LARGE1: variants seen among roughly 807,000 people sequenced by gnomAD.
LARGE1 encodes the protein LARGE xylosyl- and glucuronyltransferase 1, also known as xylosyl- and glucuronyltransferase LARGE1.
LARGE1 carries 43 observed loss-of-function variants against 87.6 expected under a neutral mutation model. The ratio of observed to expected loss-of-function variants is 0.49; its 90% CI spans 0.38 to 0.63. The LOEUF (loss-of-function observed/expected upper bound fraction) is 0.63, where lower values mean the gene tolerates loss of function less well. Among genes scored for constraint, LARGE1 ranks in the 30% least tolerant of loss-of-function variants. LARGE1 has a pLI of 0.00. For synonymous variants in LARGE1, 434 were observed against 394.6 expected (o/e 1.10, Z -1.18); for missense variants, 802 against 1,000.2 (o/e 0.80, Z 2.67).
chr22:33,097,449 A>T, the LARGE1 span, among the ~76,000 whole-genome samples: 1 of 152,358 alleles, frequency 6.6e-6, no homozygotes, highest in East Asian at 1.9e-4. Context: ...AACAGCCGTA[A>T]GGTGCACATC....
intron 1 of LARGE1, among the ~76,000 whole-genome samples, chr22:33,909,785 G>A (rs964619022): frequency 1.1e-4 from 16 of 152,000 alleles, no homozygotes; most frequent in East Asian, 9.7e-4. Context: ...TGATTCGCCC[G>A]CCTCAGCCTC....
Position 33,384,189 on chromosome 22 carries a change from C to T in LARGE1, c.1005+3G>A, listed in dbSNP as rs374933167. Reference sequence around the variant, plus strand: ...AGCTGCACCTTCGAACCTGGCCACTCACCTGGTCAGCTAAGGATGTAGAGA... The same window carrying T: ...AGCTGCACCTTCGAACCTGGCCACTTACCTGGTCAGCTAAGGATGTAGAGA... On this transcript the variant is annotated splice_donor_region_variant and intron_variant, in intron 8 of 14. Transcript: ENST00000397394. 55 of 1,608,678 alleles carry T rather than the reference C, an allele frequency of 3.4e-5. No homozygotes were observed. The highest frequency in any genetic ancestry group is 4.6e-5 in the Non-Finnish European group (54 of 1,175,092).
intron 5 of LARGE1, among the ~76,000 whole-genome samples, chr22:33,602,677 T>A (rs148567552): frequency 0.01 from 1,559 of 151,934 alleles, 26 homozygotes; most frequent in African/African-American, 0.036. Flanking sequence ...CTTGGCTAAT[T>A]TTTAAAATTT....
At position 33,274,275 on chromosome 22, in the gene LARGE1, C is replaced by T. The variant is rs1928709093; in HGVS notation, c.*152G>A. ...GACTGGCTGGATCCTTGTCCAAGGT[C>T]TCTGTAGTGAGGGCAGCTTGGCTGG... On this transcript the variant is annotated 3_prime_UTR_variant, in exon 15 of 15. Transcript: ENST00000397394. 5.2e-6 allele frequency: 4 copies of T among 775,432 alleles called. No individual in the cohort carries two copies. The highest frequency in any genetic ancestry group is 8.8e-6 in the Non-Finnish European group (4 of 454,822). 48.0% of individuals were successfully genotyped at this position (775,432 alleles called of 1,614,324 possible).
chr22:33,472,621 C>A (rs112978771), intron 6 of LARGE1, among the ~76,000 whole-genome samples: 16 of 152,142 alleles, frequency 1.1e-4, no homozygotes, highest in Non-Finnish European at 2.4e-4. Context: ...CCTTGCCTCT[C>A]ATGACTTTCA....
At chr22:33,081,441 T>C in the LARGE1 span, among the ~76,000 whole-genome samples, 1 of 152,096 alleles carries the variant, frequency 6.6e-6, no homozygotes, top group Non-Finnish European at 1.5e-5. Context: ...AGTAAAAGAC[T>C]GAGGCAGGAA....
At chr22:33,409,256 T>C (rs2066219431) in intron 7 of LARGE1, among the ~76,000 whole-genome samples, 1 of 151,858 alleles carries the variant, frequency 6.6e-6, no homozygotes, top group Admixed American at 6.6e-5. Context: ...TGAAGCATAA[T>C]GGTGGATGAC....
At chr22:33,136,591 A>G in the LARGE1 span, among the ~76,000 whole-genome samples, 1 of 152,026 alleles carries the variant, frequency 6.6e-6, no homozygotes, top group Non-Finnish European at 1.5e-5. Flanking sequence ...AAACAGATTG[A>G]TAGTGTTGAA....
chr22:33,142,928 G>C, the LARGE1 span, among the ~76,000 whole-genome samples: 2 of 152,196 alleles, frequency 1.3e-5, no homozygotes, highest in Admixed American at 1.3e-4. Flanking sequence ...GCAAGGGAGA[G>C]AGAGAGACAT....
chr22:33,432,020 C>A, intron 7 of LARGE1, 141 bp downstream of exon 7: 1 of 720,704 alleles, frequency 1.4e-6, no homozygotes, highest in Non-Finnish European at 2.5e-6. Context: ...GGAATGCAAA[C>A]TGCCCACAAA....
chr22:33,678,870 C>A (rs1243795406), intron 2 of LARGE1, among the ~76,000 whole-genome samples: 1 of 152,212 alleles, frequency 6.6e-6, no homozygotes, highest in Non-Finnish European at 1.5e-5. Context: ...TCCACTTTCC[C>A]TGATGCGCAT....
At chr22:33,483,070 T>C (rs905958666) in intron 6 of LARGE1, among the ~76,000 whole-genome samples, 1 of 152,214 alleles carries the variant, frequency 6.6e-6, no homozygotes, top group African/African-American at 2.4e-5. Flanking sequence ...TTATGTGTCT[T>C]GTGTTCTGTT....
the LARGE1 span, among the ~76,000 whole-genome samples, chr22:33,117,147 A>G: frequency 6.6e-6 from 1 of 152,190 alleles, no homozygotes; most frequent in Admixed American, 6.5e-5. Context: ...CTGTCTATCA[A>G]TCATCTACCT....
chr22:33,513,772 A>G (rs1042734251), intron 6 of LARGE1, among the ~76,000 whole-genome samples: 29 of 150,780 alleles, frequency 1.9e-4, no homozygotes, highest in African/African-American at 7.0e-4. Context: ...AGAGACTGCA[A>G]TGCCAGATAC....
rs77923846 is a variant in LARGE1, at chr22:33,608,284, T to C, written c.492-3726A>G. Among the ~76,000 whole-genome samples, 1,207 of 152,370 alleles carry C rather than the reference T, an allele frequency of 7.9e-3. 4 individuals carry two copies. Among genetic ancestry groups the C allele is most frequent in the Non-Finnish European group, 0.012 (811 of 68,034 alleles). On this transcript the variant is annotated intron_variant, in intron 4 of 14. Transcript: ENST00000397394. ...ACCAAGCTTCTTATATTTGCTCTAATGCATCATACTTTCCATATTTCTGTA... is the reference window on the plus strand; with the variant it reads ...ACCAAGCTTCTTATATTTGCTCTAACGCATCATACTTTCCATATTTCTGTA...
At chr22:33,396,672 T>C (rs1029006892) in intron 7 of LARGE1, among the ~76,000 whole-genome samples, 7 of 152,172 alleles carry the variant, frequency 4.6e-5, no homozygotes, top group African/African-American at 1.7e-4. Flanking sequence ...CAGTCGTCCC[T>C]GCCCGAGAGA....
intron 1 of LARGE1, among the ~76,000 whole-genome samples, chr22:33,809,352 T>G (rs888044816): frequency 6.6e-6 from 1 of 152,236 alleles, no homozygotes; most frequent in Non-Finnish European, 1.5e-5. Context: ...TTTATACTTA[T>G]GAACATACAC....
At chr22:33,503,477 C>T (rs532078923) in intron 6 of LARGE1, among the ~76,000 whole-genome samples, 14 of 151,850 alleles carry the variant, frequency 9.2e-5, no homozygotes, top group African/African-American at 3.4e-4. Flanking sequence ...ACATATGTAC[C>T]AGGAGAATGA....
Position 33,820,260 on chromosome 22 carries a change from T to C in LARGE1, c.-82-58702A>G, listed in dbSNP as rs1471035381. On this transcript the variant is annotated intron_variant, in intron 1 of 14. Transcript: ENST00000397394. The stretch of plus-strand genomic sequence containing the variant: ...ACATAAGGCCTGACAATAGATGTTT[T>C]TAATTTTTCTTCCCTTTATTTTCTC... Among the ~76,000 whole-genome samples, 4 of 152,190 alleles carry C rather than the reference T, an allele frequency of 2.6e-5. No homozygotes were observed. The East Asian group carries it at 5.8e-4, about 22-fold the overall frequency.
Sources: allele counts gnomAD v4.1 joint callset (sites outside exome capture counted in the v4.1 genomes callset), GRCh38; gene constraint gnomAD v4.1.1; transcripts MANE v1.5; gene names NCBI Gene and HGNC (gene_info 2026-07-23, HGNC 2026-07-21).